Variants in NOS2 observed in about 807,000 individuals in gnomAD.
NOS2 encodes the protein nitric oxide synthase 2.
In NOS2, 96 loss-of-function variants were observed where a neutral mutation model predicts 136.0. The observed-to-expected ratio is 0.71, with a 90% confidence interval of 0.60 to 0.84. NOS2 has a LOEUF of 0.84. Among genes scored for constraint, NOS2 ranks in the 40% least tolerant of loss-of-function variants. The pLI, the probability that NOS2 is intolerant of heterozygous loss-of-function variation, is 0.00. For synonymous variants in NOS2, 539 were observed against 587.5 expected (o/e 0.92, Z 1.20); for missense variants, 1,237 against 1,496.9 (o/e 0.83, Z 2.87).
At chr17:27,765,843 C>T (rs1164204015) in intron 19 of NOS2, 127 bp from the exon 20 acceptor site, 11 of 1,047,918 alleles carry the variant, frequency 1.0e-5, no homozygotes, top group Non-Finnish European at 1.5e-5. Flanking sequence ...ACAAGCTAGG[C>T]CACCACCCTG....
At chr17:27,785,487 T>C (rs1395130948) in intron 5 of NOS2, among the ~76,000 whole-genome samples, 1 of 152,072 alleles carries the variant, frequency 6.6e-6, no homozygotes, top group Non-Finnish European at 1.5e-5. Flanking sequence ...GTCTGCCTCA[T>C]CCCCATCTCC....
In NOS2 at chr17:27,778,899, G is replaced by A. The variant is rs1231225850; in HGVS notation, c.1162C>T (p.Arg388Cys). 7 of 1,608,494 alleles carry A rather than the reference G, an allele frequency of 4.4e-6. No individual in the cohort carries two copies. Among genetic ancestry groups the A allele is most frequent in the African/African-American group, 2.7e-5 (2 of 74,752 alleles). Residue 388 changes from arginine (R) to cysteine (C), a missense_variant, in exon 10 of 27, where the codon CGC (arginine) becomes TGC (cysteine). Coordinates refer to ENST00000313735, the MANE Select transcript of NOS2 (RefSeq NM_000625.4). ...IGVRDFCDVQ[R>C]YNILEEVGRR... is the part of the protein sequence containing the mutation. ...TGGGTTACCTCCAGGATGTTGTAGCGCTGGACGTCACAGAAGTCCCGGACT... is the reference window on the plus strand; with the variant it reads ...TGGGTTACCTCCAGGATGTTGTAGCACTGGACGTCACAGAAGTCCCGGACT...
chr17:27,767,822 A>T lies in NOS2; in HGVS notation c.2050T>A (p.Phe684Ile). 6.2e-7 allele frequency: 1 copy of T among 1,611,460 alleles called. No homozygotes were observed. The highest frequency in any genetic ancestry group is 8.5e-7 in the Non-Finnish European group (1 of 1,179,766). ...VQTFKAACETFDVRGKQHIQI... is the reference protein window; with the variant it reads ...VQTFKAACETIDVRGKQHIQI... ...ATGTGCTGTTTGCCTCGGACATCAAACGTCTCACAGGCTGCCTGGAAGAAG... is the reference window on the plus strand; with the variant it reads ...ATGTGCTGTTTGCCTCGGACATCAATCGTCTCACAGGCTGCCTGGAAGAAG... The change falls in exon 18 of 27, where the codon TTT becomes ATT. Residue 684 changes from phenylalanine to isoleucine, a missense_variant. Coordinates refer to ENST00000313735, the MANE Select transcript of NOS2 (RefSeq NM_000625.4).
chr17:27,787,654 G>A lies in NOS2; in HGVS notation c.467+24C>T, dbSNP rs200176078. The A allele has an allele frequency of 2.0e-5, 32 of 1,589,608 alleles. 1 individual carries two copies. In the South Asian group the frequency reaches 2.0e-4, roughly 10 times the overall value. ...AGCAGGAGGAAGGGCAGGAGGCAGC[G>A]ACCCTGCAGGAGGCAAGCCTTACTC... On this transcript the variant is annotated intron_variant, in intron 5 of 26. Transcript: ENST00000313735.
At chr17:27,766,424 C>T in intron 19 of NOS2, 86 bp downstream of exon 19, 1 of 1,244,544 alleles carries the variant, frequency 8.0e-7, no homozygotes, top group East Asian at 2.3e-5. Context: ...TCTCCTCTCC[C>T]TTCAAAGACT....
chr17:27,783,687 C>T (rs1908922617), intron 5 of NOS2, among the ~76,000 whole-genome samples: 1 of 152,182 alleles, frequency 6.6e-6, no homozygotes, highest in Non-Finnish European at 1.5e-5. Flanking sequence ...GGTATTTTTG[C>T]ATCTATTTTA....
At chr17:27,763,362 G>C (rs1210888736) in intron 21 of NOS2, among the ~76,000 whole-genome samples, 1 of 152,210 alleles carries the variant, frequency 6.6e-6, no homozygotes, top group African/African-American at 2.4e-5. Context: ...ATTACCCTTT[G>C]TGAAACAAGG....
In NOS2 at chr17:27,761,089, CG is replaced by C. The variant is rs1174643770; in HGVS notation, c.2888+54del. 258 of 1,452,666 alleles carry C rather than the reference CG, an allele frequency of 1.8e-4. 1 individual carries two copies. The highest frequency in any genetic ancestry group is 5.0e-4 in the Middle Eastern group (2 of 3,986). The allele number at this position is 1,452,666 out of a possible 1,614,324, so 90.0% of individuals were successfully genotyped here. ...AACCCCAGATCCCTCCCTTTCCTCCCGGAACTCCCAGGGGTCGGCGGCCCCA... is the reference window on the plus strand; with the variant it reads ...AACCCCAGATCCCTCCCTTTCCTCCCGAACTCCCAGGGGTCGGCGGCCCCA... On this transcript the variant is annotated intron_variant, in intron 23 of 26. Coordinates refer to ENST00000313735, the MANE Select transcript of NOS2 (RefSeq NM_000625.4).
At chr17:27,793,456 T>G in intron 2 of NOS2, 1 of 390,094 alleles carries the variant, frequency 2.6e-6, no homozygotes. Flanking sequence ...GGAAAACGCT[T>G]TTAGTAAACC....
In NOS2 at chr17:27,774,292, G is replaced by C; in HGVS notation, c.1441C>G (p.Leu481Val). Reference protein sequence around the residue: ...SITPVFHQEMLNYVLSPFYYY... With the variant: ...SITPVFHQEMVNYVLSPFYYY... Reference sequence around the variant, plus strand: ...TAGAAAGGGGACAGGACGTAGTTCAGCATCTCCTGGTGAAACACGGGGGTG... The same window carrying C: ...TAGAAAGGGGACAGGACGTAGTTCACCATCTCCTGGTGAAACACGGGGGTG... The change falls in exon 12 of 27, where the codon CTG becomes GTG. Residue 481 changes from leucine to valine, a missense_variant. This residue lies in a region of NOS2 where 782 missense variants were observed against 909.9 expected (regional missense o/e 0.86). Transcript: ENST00000313735. The C allele has an allele frequency of 1.3e-6, 2 of 1,548,662 alleles. No individual in the cohort carries two copies. The highest frequency in any genetic ancestry group is 1.7e-6 in the Non-Finnish European group (2 of 1,149,620).
rs1436431686 is a variant in NOS2 at position 27,760,682 on chromosome 17, G to A, written c.2951C>T (p.Thr984Ile). ...SHPCILIGPG[T>I]GIAPFRSFWQ... ...GAAACTGCGGAAGGGCGCGATGCCT[G>A]TGCCAGGCCCGATGAGGATGCAAGG... is the stretch of plus-strand genomic sequence containing the variant. The change falls in exon 24 of 27, where the codon ACA becomes ATA. Residue 984 changes from threonine (T) to isoleucine (I), a missense_variant. This residue lies in a region of NOS2 where 782 missense variants were observed against 909.9 expected (regional missense o/e 0.86). Transcript: ENST00000313735. 3 of 1,551,830 alleles carry A rather than the reference G, an allele frequency of 1.9e-6. No individual in the cohort carries two copies. The highest frequency in any genetic ancestry group is 8.7e-7 in the Non-Finnish European group (1 of 1,147,442).
Position 27,759,043 on chromosome 17 carries a change from C to A in NOS2, c.3192G>T (p.Leu1064=). The A allele has an allele frequency of 1.2e-6, 2 of 1,606,168 alleles. No individual in the cohort carries two copies. Among genetic ancestry groups the A allele is most frequent in the Non-Finnish European group, 1.7e-6 (2 of 1,176,934 alleles). The change falls in exon 26 of 27, where the codon CTG becomes CTT. Residue 1064 remains leucine (L), a synonymous_variant. Coordinates refer to ENST00000313735, the MANE Select transcript of NOS2 (RefSeq NM_000625.4). ...VYVQDILRQQ[L]ASEVLRVLHK... is the part of the protein sequence containing the mutation. ...GGAGCACACGGAGCACCTCGCTGGC[C>A]AGCTGCTGCCGCAGGATGTCCTGAA...
intron 14 of NOS2, 61 bp from the exon 15 acceptor site, chr17:27,771,078 G>A (rs761327271): frequency 4.4e-5 from 54 of 1,239,744 alleles, no homozygotes; most frequent in African/African-American, 1.0e-4. Context: ...CCTACCCTGC[G>A]CAGACACCCT....
chr17:27,796,985 G>A (rs1185829001), intron 2 of NOS2, among the ~76,000 whole-genome samples: 1 of 152,122 alleles, frequency 6.6e-6, no homozygotes, highest in Non-Finnish European at 1.5e-5. Context: ...AACCTACAAT[G>A]GCTCCCTACT....
At chr17:27,765,948 C>G (rs1247437625) in intron 19 of NOS2, among the ~76,000 whole-genome samples, 1 of 152,216 alleles carries the variant, frequency 6.6e-6, no homozygotes, top group Non-Finnish European at 1.5e-5. Context: ...TTCCCAGCAG[C>G]CCTTGGAGCC....
rs1199585253 is a variant in NOS2, at chr17:27,778,668, ACT to A, written c.1281+20_1281+21del. On this transcript the variant is annotated intron_variant, in intron 11 of 26. Coordinates refer to ENST00000313735, the MANE Select transcript of NOS2 (RefSeq NM_000625.4). ...AAGCTTCTCACCAAAAAGTCTTCAGACTCACAAAACTCCAGACATACCTGGAA... is the reference window on the plus strand; with the variant it reads ...AAGCTTCTCACCAAAAAGTCTTCAGACACAAAACTCCAGACATACCTGGAA... 6.3e-7 allele frequency: 1 copy of A among 1,593,178 alleles called. No individual in the cohort carries two copies. The highest frequency in any genetic ancestry group is 8.6e-7 in the Non-Finnish European group (1 of 1,161,030).
intron 17 of NOS2, among the ~76,000 whole-genome samples, chr17:27,768,704 A>C (rs2297516): frequency 0.39 from 60,073 of 152,116 alleles, 12,116 homozygotes; most frequent in South Asian, 0.61. Flanking sequence ...ACTGGAGGAA[A>C]GACCTTAAAC....
intron 26 of NOS2, among the ~76,000 whole-genome samples, chr17:27,758,433 C>T (rs1054068315): frequency 1.3e-5 from 2 of 152,194 alleles, no homozygotes; most frequent in South Asian, 2.1e-4. Context: ...TCACTATTAT[C>T]TTCATCAATA....
intron 20 of NOS2, 101 bp downstream of exon 20, chr17:27,765,434 G>C (rs1201589293): frequency 5.4e-6 from 6 of 1,119,652 alleles, no homozygotes. Context: ...CAGCAGGAAG[G>C]ACAGGGATGG....
Sources: gnomAD v4.1 joint callset for allele counts (sites outside exome capture counted in the v4.1 genomes callset) on GRCh38, gnomAD v4.1.1 for gene constraint, gnomAD v4.1.1 regional missense constraint, MANE v1.5 for transcripts, NCBI Gene and HGNC (gene_info 2026-07-23, HGNC 2026-07-21) for gene names.